LMCD1: variants seen among roughly 807,000 people sequenced by gnomAD.
LMCD1 encodes the protein LIM and cysteine-rich domains protein 1.
Under a neutral mutation model 42.7 loss-of-function variants are expected in LMCD1, and 32 were observed. The observed-to-expected ratio is 0.75, with a 90% CI of 0.57 to 1.01. The LOEUF (loss-of-function observed/expected upper bound fraction) is 1.01. Among genes scored for constraint, LMCD1 ranks in the 50% least tolerant of loss-of-function variants. The pLI is 0.00. For missense variants in LMCD1, 458 were observed against 483.1 expected, an observed-to-expected ratio of 0.95 and a Z score of 0.49; for synonymous variants, 178 against 184.9, an observed-to-expected ratio of 0.96 and a Z score of 0.30.
At chr3:8,544,510 A>G (rs1410820248) in intron 3 of LMCD1, among the ~76,000 whole-genome samples, 1 of 152,048 alleles carries the variant, frequency 6.6e-6, no homozygotes, top group Non-Finnish European at 1.5e-5. Context: ...GCCACCCCTC[A>G]ATTGGAGTCC....
At chr3:8,502,278 A>T (rs7427814) in intron 1 of LMCD1, among the ~76,000 whole-genome samples, 86 of 42,692 alleles carry the variant, frequency 2.0e-3, no homozygotes, top group East Asian at 5.2e-3. Flanking sequence ...TATATATATA[A>T]AATATATATA....
intron 1 of LMCD1, among the ~76,000 whole-genome samples, chr3:8,502,296 T>TAA (rs1693743932): frequency 7.0e-5 from 1 of 14,264 alleles, no homozygotes; most frequent in African/African-American, 3.3e-4. Flanking sequence ...ATAATATATA[T>TAA]TATATATAAT....
At chr3:8,564,959 A>T (rs956464377) in intron 4 of LMCD1, among the ~76,000 whole-genome samples, 54 of 152,240 alleles carry the variant, frequency 3.5e-4, no homozygotes, top group African/African-American at 1.3e-3. Flanking sequence ...ATATAAAACA[A>T]TGTCTTAAAA....
At chr3:8,565,717 A>G (rs1342661976) in intron 5 of LMCD1, 70 bp downstream of exon 5, 6 of 1,397,380 alleles carry the variant, frequency 4.3e-6, no homozygotes, top group Middle Eastern at 2.5e-4. Context: ...CCAGAGGCCA[A>G]GAGGAGCATG....
intron 2 of LMCD1, among the ~76,000 whole-genome samples, chr3:8,534,586 A>G (rs1232700868): frequency 1.3e-5 from 2 of 152,328 alleles, no homozygotes; most frequent in East Asian, 3.9e-4. Flanking sequence ...ATCCTGTTAA[A>G]CTTTTTTATG....
At chr3:8,520,413 A>T (rs1273446301) in intron 1 of LMCD1, among the ~76,000 whole-genome samples, 1 of 152,180 alleles carries the variant, frequency 6.6e-6, no homozygotes, top group African/African-American at 2.4e-5. Context: ...CACAAAACCA[A>T]TTAGATTTTA....
chr3:8,508,974 C>G (rs1306859177), intron 1 of LMCD1, among the ~76,000 whole-genome samples: 2 of 152,188 alleles, frequency 1.3e-5, no homozygotes, highest in Non-Finnish European at 2.9e-5. Context: ...CTAGATGTGA[C>G]CTGCAGCTCT....
intron 1 of LMCD1, among the ~76,000 whole-genome samples, chr3:8,524,536 C>T (rs1574953738): frequency 1.3e-5 from 2 of 152,162 alleles, no homozygotes; most frequent in East Asian, 3.9e-4. Context: ...ACAATAAAAG[C>T]CAGACTTGCT....
rs1231004523 is a variant in LMCD1 at position 8,567,680 on chromosome 3, G to A, written c.*82G>A. 1.3e-5 allele frequency: 18 copies of A among 1,350,864 alleles called. 1 individual carries two copies. Among genetic ancestry groups the A allele is most frequent in the South Asian group, 8.1e-5 (6 of 74,450 alleles). The allele number at this position is 1,350,864 out of a possible 1,614,324, so 83.7% of individuals were successfully genotyped here. ...TGTGCCGAGACCATCCTAAGGGTCC[G>A]ATGTGACAGCAAGCAAGTGAAATAA... On this transcript the variant is annotated 3_prime_UTR_variant, in exon 6 of 6. Coordinates refer to ENST00000157600, the MANE Select transcript of LMCD1 (RefSeq NM_014583.4).
intron 2 of LMCD1, among the ~76,000 whole-genome samples, chr3:8,534,490 G>A (rs1694475792): frequency 6.6e-6 from 1 of 152,172 alleles, no homozygotes; most frequent in South Asian, 2.1e-4. Flanking sequence ...TGCATATCAA[G>A]TGTCATCCTT....
At chr3:8,549,827 G>T in intron 4 of LMCD1, 1 of 704,996 alleles carries the variant, frequency 1.4e-6, no homozygotes. Flanking sequence ...GCATCATGTG[G>T]CAAGGGGGCT....
At chr3:8,546,883 G>T (rs1694746548) in intron 3 of LMCD1, among the ~76,000 whole-genome samples, 1 of 152,184 alleles carries the variant, frequency 6.6e-6, no homozygotes, top group Non-Finnish European at 1.5e-5. Flanking sequence ...ATACTGTTAA[G>T]AGTTTTATCA....
At position 8,572,021 on chromosome 3, in the gene LMCD1, T is replaced by C. The variant is rs1385761417; in HGVS notation, c.*4423T>C. ...ATTCAAGTGTCACCAGCTGTCCCAATAATGTCTTTTATAACAAAAACATTC... is the reference window on the plus strand; with the variant it reads ...ATTCAAGTGTCACCAGCTGTCCCAACAATGTCTTTTATAACAAAAACATTC... On this transcript the variant is annotated 3_prime_UTR_variant, in exon 6 of 6. Transcript: ENST00000157600. 1.3e-5 allele frequency: 2 copies of C among 152,242 alleles called. No homozygotes were observed. The highest frequency in any genetic ancestry group is 4.8e-5 in the African/African-American group (2 of 41,470). The allele number at this position is 152,242 out of a possible 1,614,324, so 9.4% of individuals were successfully genotyped here.
intron 1 of LMCD1, among the ~76,000 whole-genome samples, chr3:8,502,304 A>AATATATAAAATATATATTAT (rs1559342051): frequency 8.1e-5 from 1 of 12,366 alleles, no homozygotes; most frequent in Non-Finnish European, 1.5e-4. Context: ...TATTATATAT[A>AATATATAAAATATATATTAT]ATATATAAAA....
chr3:8,527,029 C>T (rs1694314783), intron 1 of LMCD1, among the ~76,000 whole-genome samples: 1 of 152,182 alleles, frequency 6.6e-6, no homozygotes, highest in Non-Finnish European at 1.5e-5. Flanking sequence ...CAAATTTGGA[C>T]AGGTTACTAG....
intron 1 of LMCD1, among the ~76,000 whole-genome samples, chr3:8,531,005 A>C (rs2125021585): frequency 6.6e-6 from 1 of 152,362 alleles, no homozygotes; most frequent in Middle Eastern, 3.4e-3. Flanking sequence ...GTGTGGGGAC[A>C]TGGTGTACAC....
intron 2 of LMCD1, among the ~76,000 whole-genome samples, chr3:8,536,059 C>T (rs746533991): frequency 1.3e-5 from 2 of 152,202 alleles, no homozygotes; most frequent in Admixed American, 6.5e-5. Context: ...ACTAGCCCCA[C>T]AATCAACGTT....
rs140821327 is a variant in LMCD1, at chr3:8,537,304, G to A, written c.251G>A (p.Arg84Gln). 7.7e-5 allele frequency: 125 copies of A among 1,614,108 alleles called. 1 individual carries two copies. Among genetic ancestry groups the A allele is most frequent in the African/African-American group, 3.6e-4 (27 of 75,014 alleles). ...MDSKYSTLTA[R>Q]VKGGDGIRIY... ...TCCAAGTATTCCACCCTCACTGCTC[G>A]GGTGAAAGGCGGGGACGGCATCCGG... Residue 84 changes from arginine to glutamine, a missense_variant, in exon 3 of 6, where the codon CGG becomes CAG. Arg to Gln is a conservative substitution (Grantham distance 43, BLOSUM62 1). Coordinates refer to ENST00000157600, the MANE Select transcript of LMCD1 (RefSeq NM_014583.4).
intron 1 of LMCD1, among the ~76,000 whole-genome samples, chr3:8,526,778 C>T (rs1340810898): frequency 6.6e-6 from 1 of 152,176 alleles, no homozygotes; most frequent in Non-Finnish European, 1.5e-5. Context: ...CAAGGTCAGC[C>T]TTCACACAGT....
Sources: gnomAD v4.1 joint callset for allele counts (sites outside exome capture counted in the v4.1 genomes callset) on GRCh38, gnomAD v4.1.1 for gene constraint, MANE v1.5 for transcripts, NCBI Gene and HGNC (gene_info 2026-07-23, HGNC 2026-07-21) for gene names.